Variants in SPX observed in about 807,000 individuals in gnomAD.
SPX encodes the protein spexin.
Under a neutral mutation model 19.2 loss-of-function variants are expected in SPX, and 22 were observed. The observed-to-expected ratio is 1.15, with a 90% CI of 0.82 to 1.64. The LOEUF (loss-of-function observed/expected upper bound fraction) is 1.64, where lower values mean the gene tolerates loss of function less well. Ranked by LOEUF, SPX falls within the 40% of genes most tolerant of loss-of-function variation. The pLI is 0.00. For synonymous variants in SPX, 50 were observed against 53.3 expected (o/e 0.94, Z 0.27); for missense variants, 143 against 137.7 (o/e 1.04, Z -0.19).
At position 21,527,795 on chromosome 12, in the gene SPX, T is replaced by C; in HGVS notation, c.208+6T>C. On this transcript the variant is annotated splice_donor_region_variant and intron_variant, in intron 4 of 5. Coordinates refer to ENST00000256969, the MANE Select transcript of SPX (RefSeq NM_030572.4). ...CTCCGACCGGCCACTGCCGGGTGAG[T>C]GACCAAGGGTGCAAGGGCGCTAGTC... is the stretch of plus-strand genomic sequence containing the variant. 1 of 1,569,836 alleles carries C rather than the reference T, an allele frequency of 6.4e-7. No individual in the cohort carries two copies. Among genetic ancestry groups the C allele is most frequent in the African/African-American group, 1.3e-5 (1 of 74,448 alleles).
rs902040391 is a variant in SPX, at chr12:21,527,882, C to T, written c.208+93C>T. 2.9e-6 allele frequency: 4 copies of T among 1,403,156 alleles called. No individual in the cohort carries two copies. The East Asian group carries it at 1.0e-4, about 36-fold the overall frequency. The allele number at this position is 1,403,156 out of a possible 1,614,324, so 86.9% of individuals were successfully genotyped here. A position where few individuals can be genotyped will look rare whatever the true frequency, so the allele number is the denominator to read the frequency against. The stretch of plus-strand genomic sequence containing the variant: ...GCTCCGCGCTGGTGCCGAAAGAAAG[C>T]GTCTCCTCACCGGAAAGACGCGGCT... On this transcript the variant is annotated intron_variant, in intron 4 of 5. Transcript: ENST00000256969.
Position 21,526,440 on chromosome 12 carries a change from T to C in SPX, c.-33T>C, listed in dbSNP as rs199857352. The C allele has an allele frequency of 1.7e-3, 2,756 of 1,576,924 alleles. 7 individuals are homozygous for C. Among genetic ancestry groups the C allele is most frequent in the Non-Finnish European group, 2.0e-3 (2,307 of 1,154,920 alleles). ...AGTCGAAAACTCACAGATAAAGTTA[T>C]AGTTATTTCAGGGTTCTGAAAAGAC... is the stretch of plus-strand genomic sequence containing the variant. On this transcript the variant is annotated 5_prime_UTR_variant, in exon 1 of 6. Transcript: ENST00000256969.
chr12:21,527,269 T>C lies in SPX; in HGVS notation c.145+77T>C, dbSNP rs370482089. The C allele has an allele frequency of 7.1e-6, 10 of 1,400,394 alleles. No individual in the cohort carries two copies. In the African/African-American group the frequency reaches 8.5e-5, roughly 12 times the overall value. 86.7% of individuals were successfully genotyped at this position (1,400,394 alleles called of 1,614,324 possible). Reference sequence around the variant, plus strand: ...TCAGGAACAGATAGATGGAGAGTTATGGAGAGAGAATAATGTCGAGTTTAT... The same window carrying C: ...TCAGGAACAGATAGATGGAGAGTTACGGAGAGAGAATAATGTCGAGTTTAT... On this transcript the variant is annotated intron_variant, in intron 3 of 5. Coordinates refer to ENST00000256969, the MANE Select transcript of SPX (RefSeq NM_030572.4).
intron 3 of SPX, 83 bp from the exon 4 acceptor site, chr12:21,527,644 G>A: frequency 2.9e-6 from 4 of 1,383,636 alleles, no homozygotes; most frequent in Non-Finnish European, 4.0e-6. Context: ...CCCGGGGACT[G>A]CGCTGTGCCG....
chr12:21,529,277 G>A (rs1228916976), intron 5 of SPX, among the ~76,000 whole-genome samples, 193 bp downstream of exon 5: 2 of 152,036 alleles, frequency 1.3e-5, no homozygotes, highest in Non-Finnish European at 2.9e-5. Context: ...CTGATGATTG[G>A]TCAGGTTTGA....
rs547568893 is a variant in SPX, at chr12:21,529,062, G to A, written c.270G>A (p.Ala90=). Residue 90 remains alanine, a synonymous_variant, in exon 5 of 6, where the codon GCG becomes GCA. Coordinates refer to ENST00000256969, the MANE Select transcript of SPX (RefSeq NM_030572.4). ...CGGAGGCAGCAACCATCTTACTGGCGTCCCTTCAGAAATCACCAGAAGGTA... is the reference window on the plus strand; with the variant it reads ...CGGAGGCAGCAACCATCTTACTGGCATCCCTTCAGAAATCACCAGAAGGTA... ...TIPEAATILL[A]SLQKSPEDEE... 36 of 1,614,034 alleles carry A rather than the reference G, an allele frequency of 2.2e-5. No homozygotes were observed. Among genetic ancestry groups the A allele is most frequent in the Admixed American group, 1.5e-4 (9 of 60,014 alleles).
In SPX at chr12:21,527,900, ACGCGGCTCTGAGG is replaced by A. The variant is rs369500474; in HGVS notation, c.208+115_208+127del. ...AAGAAAGCGTCTCCTCACCGGAAAGACGCGGCTCTGAGGCGCCCTCAGATACAGTCCGCCCGAG... is the reference window on the plus strand; with the variant it reads ...AAGAAAGCGTCTCCTCACCGGAAAGACGCCCTCAGATACAGTCCGCCCGAG... On this transcript the variant is annotated intron_variant, in intron 4 of 5. Coordinates refer to ENST00000256969, the MANE Select transcript of SPX (RefSeq NM_030572.4). 1.2e-3 allele frequency: 1,518 copies of A among 1,316,472 alleles called. 15 individuals are homozygous for A. The African/African-American group carries it at 0.02, about 17-fold the overall frequency. 81.5% of individuals were successfully genotyped at this position (1,316,472 alleles called of 1,614,324 possible).
chr12:21,526,795 AG>A lies in SPX; in HGVS notation c.7-86del. 3 of 1,223,328 alleles carry A rather than the reference AG, an allele frequency of 2.5e-6. No homozygotes were observed. In the South Asian group the frequency reaches 3.8e-5, roughly 15 times the overall value. 75.8% of individuals were successfully genotyped at this position (1,223,328 alleles called of 1,614,324 possible). On this transcript the variant is annotated intron_variant, in intron 1 of 5. Transcript: ENST00000256969. The stretch of plus-strand genomic sequence containing the variant: ...TTAAAACAGAATATTGCGAGAAGTA[AG>A]GGGGTTTATAATTGTCCAGGCGTCA...
chr12:21,527,384 T>C, intron 3 of SPX, 192 bp downstream of exon 3: 2 of 622,466 alleles, frequency 3.2e-6, no homozygotes, highest in Non-Finnish European at 5.6e-6. Context: ...AAATCCTCCA[T>C]CCTTATTAGA....
intron 2 of SPX, 78 bp from the exon 3 acceptor site, chr12:21,527,057 T>C: frequency 2.5e-6 from 4 of 1,586,180 alleles, no homozygotes; most frequent in Non-Finnish European, 3.5e-6. Context: ...TATTCTCTTC[T>C]TTTTCCTTTA....
At chr12:21,527,097 T>C (rs1322911030) in intron 2 of SPX, 38 bp from the exon 3 acceptor site, 3 of 1,605,146 alleles carry the variant, frequency 1.9e-6, no homozygotes, top group African/African-American at 1.3e-5. Context: ...TGAGCTGCAA[T>C]GTTTTATTAA....
At chr12:21,531,018 A>G (rs1943860395) in intron 5 of SPX, 119 bp from the exon 6 acceptor site, 3 of 669,100 alleles carry the variant, frequency 4.5e-6, no homozygotes, top group South Asian at 1.9e-5. Flanking sequence ...AGCAGAGTCC[A>G]TAAGTTAACA....
rs534546357 is a variant in SPX at position 21,526,923 on chromosome 12, T to C, written c.44T>C (p.Phe15Ser). 1.2e-6 allele frequency: 2 copies of C among 1,614,226 alleles called. No individual in the cohort carries two copies. Among genetic ancestry groups the C allele is most frequent in the East Asian group, 4.5e-5 (2 of 44,886 alleles). Residue 15 changes from phenylalanine (F) to serine (S), a missense_variant, in exon 2 of 6, where the codon TTC becomes TCC. Phe to Ser is a radical substitution (Grantham distance 155, BLOSUM62 -2). Coordinates refer to ENST00000256969, the MANE Select transcript of SPX (RefSeq NM_030572.4). ...RSLAATTLALFLVFVFLGNSS... is the reference protein window; with the variant it reads ...RSLAATTLALSLVFVFLGNSS... ...CTGGCAGCAACAACCTTGGCTCTTTTCCTGGTGTTTGTTTTCCTGGGAAAC... is the reference window on the plus strand; with the variant it reads ...CTGGCAGCAACAACCTTGGCTCTTTCCCTGGTGTTTGTTTTCCTGGGAAAC...
Position 21,527,010 on chromosome 12 carries a change from T to G in SPX, c.87+44T>G, listed in dbSNP as rs1265262713. On this transcript the variant is annotated intron_variant, in intron 2 of 5. Coordinates refer to ENST00000256969, the MANE Select transcript of SPX (RefSeq NM_030572.4). ...AAAAATTTTAAAACAATGCGCACTGTGTGTCCACTCTGCTCTTTCTTTCTT... is the reference window on the plus strand; with the variant it reads ...AAAAATTTTAAAACAATGCGCACTGGGTGTCCACTCTGCTCTTTCTTTCTT... 3 of 1,589,050 alleles carry G rather than the reference T, an allele frequency of 1.9e-6. No homozygotes were observed. In the African/African-American group the frequency reaches 4.0e-5, roughly 21 times the overall value.
intron 2 of SPX, 36 bp from the exon 3 acceptor site, chr12:21,527,099 T>G: frequency 6.2e-7 from 1 of 1,607,672 alleles, no homozygotes; most frequent in Non-Finnish European, 8.5e-7. Flanking sequence ...AGCTGCAATG[T>G]TTTATTAACT....
rs764992318 is a variant in SPX, at chr12:21,526,903, A to G, written c.24A>G (p.Ala8=). Residue 8 remains alanine, a synonymous_variant, in exon 2 of 6, where the codon GCA becomes GCG. Coordinates refer to ENST00000256969, the MANE Select transcript of SPX (RefSeq NM_030572.4). The stretch of plus-strand genomic sequence containing the variant: ...TCATATAGGGACTCAGAAGTCTGGC[A>G]GCAACAACCTTGGCTCTTTTCCTGG... The part of the protein sequence containing the change: MKGLRSL[A]ATTLALFLVF... 6.2e-7 allele frequency: 1 copy of G among 1,614,234 alleles called. No homozygotes were observed. Among genetic ancestry groups the G allele is most frequent in the Non-Finnish European group, 8.5e-7 (1 of 1,180,026 alleles).
chr12:21,527,060 T>G, intron 2 of SPX, 75 bp from the exon 3 acceptor site: 1 of 1,584,056 alleles, frequency 6.3e-7, no homozygotes, highest in East Asian at 2.2e-5. Context: ...TCTCTTCTTT[T>G]TCCTTTATTT....
chr12:21,531,142 GA>G lies in SPX; in HGVS notation c.305del (p.Asn102ThrfsTer23). ...ASLQKSPEDE[E>X]KNFDQTRFLE... ...AGAATTTTTTTTTCTTACAGATGAA[GA>G]AAAAAACTTTGATCAAACCAGATTC... is the stretch of plus-strand genomic sequence containing the variant. On this transcript the variant is annotated frameshift_variant, in exon 6 of 6. Transcript: ENST00000256969. LOFTEE classifies it high-confidence loss of function. The G allele has an allele frequency of 3.2e-6, 5 of 1,578,574 alleles. No homozygotes were observed. The highest frequency in any genetic ancestry group is 1.8e-5 in the Admixed American group (1 of 55,816).
chr12:21,531,926 G>A lies in SPX; in HGVS notation c.*731G>A, dbSNP rs1260904430. ...CTCTGTTGTTTACGTATTGGAAGAA[G>A]GGAACAAGCCAGTTTTGTTAGAGGT... On this transcript the variant is annotated 3_prime_UTR_variant, in exon 6 of 6. Transcript: ENST00000256969. 1 of 152,158 alleles carries A rather than the reference G, an allele frequency of 6.6e-6. No homozygotes were observed. Among genetic ancestry groups the A allele is most frequent in the African/African-American group, 2.4e-5 (1 of 41,428 alleles). The allele number at this position is 152,158 out of a possible 1,614,324, so 9.4% of individuals were successfully genotyped here. A position where few individuals can be genotyped will look rare whatever the true frequency, so the allele number is the denominator to read the frequency against.
Sources: gnomAD v4.1 joint callset for allele counts (sites outside exome capture counted in the v4.1 genomes callset) on GRCh38, gnomAD v4.1.1 for gene constraint, MANE v1.5 for transcripts, NCBI Gene and HGNC (gene_info 2026-07-23, HGNC 2026-07-21) for gene names.